GSDMC: variants seen among roughly 807,000 people sequenced by gnomAD.
GSDMC encodes gasdermin-C.
A neutral mutation model predicts 58.0 loss-of-function variants in GSDMC; 59 were observed. The ratio of observed to expected loss-of-function variants is 1.02; its 90% CI spans 0.82 to 1.26. The LOEUF (loss-of-function observed/expected upper bound fraction) is 1.26. GSDMC is among the 50% of genes most tolerant of loss of function. The probability of loss-of-function intolerance (pLI) is 0.00; values close to 1 mark genes in which losing one functional copy is unlikely to be tolerated. For synonymous variants in GSDMC, 241 were observed against 220.2 expected (o/e 1.09, Z -0.83); for missense variants, 659 against 598.5 (o/e 1.10, Z -1.06).
the GSDMC span, among the ~76,000 whole-genome samples, chr8:129,718,142 G>A: frequency 6.6e-6 from 1 of 151,920 alleles, no homozygotes; most frequent in Non-Finnish European, 1.5e-5. Flanking sequence ...AACACAAAAA[G>A]CGATGGCAAA....
intron 10 of GSDMC, among the ~76,000 whole-genome samples, chr8:129,751,075 C>A (rs1446833008): frequency 1.3e-5 from 2 of 152,042 alleles, no homozygotes; most frequent in Non-Finnish European, 2.9e-5. Flanking sequence ...AATTTAAGAC[C>A]AGCCTGGTCA....
chr8:129,716,442 G>A, the GSDMC span, among the ~76,000 whole-genome samples: 2 of 152,256 alleles, frequency 1.3e-5, no homozygotes, highest in South Asian at 4.1e-4. Context: ...GTATAGGAAT[G>A]CTTGTGATTT....
the GSDMC span, among the ~76,000 whole-genome samples, chr8:129,739,308 G>A: frequency 6.6e-6 from 1 of 152,146 alleles, no homozygotes; most frequent in African/African-American, 2.4e-5. Context: ...GCAAGCAAGG[G>A]CAAATCCTGT....
chr8:129,708,694 G>A, the GSDMC span, among the ~76,000 whole-genome samples: 1 of 152,248 alleles, frequency 6.6e-6, no homozygotes. Flanking sequence ...CCTAGGACAG[G>A]GCCCACTCCT....
intron 3 of GSDMC, among the ~76,000 whole-genome samples, chr8:129,773,785 C>CAA (rs3078753): frequency 0.21 from 16,174 of 77,428 alleles, 1,392 homozygotes; most frequent in Non-Finnish European, 0.27. Flanking sequence ...GACTCTGTCT[C>CAA]AAAAAAAAAA....
the GSDMC span, among the ~76,000 whole-genome samples, chr8:129,718,296 A>C: frequency 5.9e-5 from 9 of 152,246 alleles, no homozygotes; most frequent in African/African-American, 2.2e-4. Context: ...GCTAATATAC[A>C]GAATCTACAA....
downstream of GSDMC, among the ~76,000 whole-genome samples, chr8:129,743,696 T>C (rs1386475931): frequency 1.3e-5 from 2 of 152,230 alleles, no homozygotes; most frequent in African/African-American, 4.8e-5. Flanking sequence ...GTGTTAAATT[T>C]TGCTTTAGCT....
chr8:129,755,044 T>C (rs1312383153), intron 6 of GSDMC, among the ~76,000 whole-genome samples: 3 of 152,024 alleles, frequency 2.0e-5, no homozygotes, highest in Non-Finnish European at 4.4e-5. Flanking sequence ...GGTAAGAAAG[T>C]TTATCCAAAG....
downstream of GSDMC, among the ~76,000 whole-genome samples, chr8:129,744,779 CCCCTTGT>C (rs2032928189): frequency 6.6e-6 from 1 of 152,156 alleles, no homozygotes; most frequent in Non-Finnish European, 1.5e-5. Context: ...TGCTTACATC[CCCCTTGT>C]CATATGGCCA....
chr8:129,738,275 T>C, the GSDMC span, among the ~76,000 whole-genome samples: 1 of 151,652 alleles, frequency 6.6e-6, no homozygotes, highest in Non-Finnish European at 1.5e-5. Context: ...CTCAAGGATC[T>C]AGACCCATTT....
rs185866876 is a variant in GSDMC, at chr8:129,766,793, G to A, written c.405-1000C>T. Among the ~76,000 whole-genome samples, 63 of 152,164 alleles carry A rather than the reference G, an allele frequency of 4.1e-4. No individual in the cohort carries two copies. The South Asian group carries it at 7.5e-3, about 18-fold the overall frequency. On this transcript the variant is annotated intron_variant, in intron 3 of 13. Transcript: ENST00000276708. ...CCCCTGGGCCAATGAGCTCTTCAAC[G>A]GGAAAAAGAGAGCCAAAGTAGATAT...
At chr8:129,738,828 C>G in the GSDMC span, among the ~76,000 whole-genome samples, 15,144 of 151,946 alleles carry the variant, frequency 0.1, 1,103 homozygotes, top group African/African-American at 0.2. Flanking sequence ...AAAAAAAATA[C>G]TTCTAAAGCA....
intron 6 of GSDMC, among the ~76,000 whole-genome samples, chr8:129,757,910 G>C (rs2033506004): frequency 6.6e-6 from 1 of 152,128 alleles, no homozygotes; most frequent in African/African-American, 2.4e-5. Flanking sequence ...AGGATCATTT[G>C]AGTATGTGAG....
chr8:129,723,425 T>TCC, the GSDMC span, among the ~76,000 whole-genome samples: 1 of 71,348 alleles, frequency 1.4e-5, no homozygotes, highest in African/African-American at 1.5e-4. Flanking sequence ...TCTCCTTTTT[T>TCC]TTTTTTTTTT....
the GSDMC span, among the ~76,000 whole-genome samples, chr8:129,720,175 A>G: frequency 4.6e-5 from 7 of 152,332 alleles, no homozygotes; most frequent in African/African-American, 1.4e-4. Flanking sequence ...TAGTCTGCCA[A>G]ACATCAAAGT....
Position 129,765,696 on chromosome 8 carries a change from T to C in GSDMC, c.502A>G (p.Thr168Ala), listed in dbSNP as rs1411296604. ...VTEAVELINNTVLYDSSSVNI... is the reference protein window; with the variant it reads ...VTEAVELINNAVLYDSSSVNI... Reference sequence around the variant, plus strand: ...ACACTACTGCTATCGTACAGCACAGTATTGTTGATCAGTTCAACAGCCTCT... The same window carrying C: ...ACACTACTGCTATCGTACAGCACAGCATTGTTGATCAGTTCAACAGCCTCT... The change falls in exon 4 of 14, where the codon ACT becomes GCT. Residue 168 changes from threonine (T) to alanine (A), a missense_variant. Coordinates refer to ENST00000276708, the MANE Select transcript of GSDMC (RefSeq NM_031415.3). 1 of 1,611,932 alleles carries C rather than the reference T, an allele frequency of 6.2e-7. No homozygotes were observed. Among genetic ancestry groups the C allele is most frequent in the Non-Finnish European group, 8.5e-7 (1 of 1,177,990 alleles).
chr8:129,785,959 G>T (rs375996115), intron 1 of GSDMC, 52 bp downstream of exon 1: 1 of 152,088 alleles, frequency 6.6e-6, no homozygotes, highest in African/African-American at 2.4e-5. Flanking sequence ...CATTTTTGTC[G>T]CTGATGATAG....
chr8:129,763,325 G>T (rs2033741294), intron 4 of GSDMC, among the ~76,000 whole-genome samples: 1 of 152,136 alleles, frequency 6.6e-6, no homozygotes, highest in Admixed American at 6.5e-5. Context: ...TTCCCTTTTA[G>T]AAATATTTAT....
intron 3 of GSDMC, among the ~76,000 whole-genome samples, chr8:129,769,096 G>GGAGAGGAGAGGAGAT (rs1161308885): frequency 5.3e-5 from 8 of 151,758 alleles, no homozygotes; most frequent in Non-Finnish European, 8.8e-5. Flanking sequence ...GGAGAGGAGA[G>GGAGAGGAGAGGAGAT]GAGAGGAGAG....
Sources: allele counts gnomAD v4.1 joint callset (sites outside exome capture counted in the v4.1 genomes callset), GRCh38; gene constraint gnomAD v4.1.1; transcripts MANE v1.5; gene names NCBI Gene and HGNC (gene_info 2026-07-23, HGNC 2026-07-21).